The following RASGRF1 variants were observed in gnomAD, a reference collection of about 807,000 sequenced individuals.
The protein encoded by RASGRF1 is ras-specific guanine nucleotide-releasing factor 1.
A neutral mutation model predicts 138.7 loss-of-function variants in RASGRF1; 40 were observed. The observed-to-expected ratio is 0.29, with a 90% CI of 0.22 to 0.38. The LOEUF (loss-of-function observed/expected upper bound fraction) is 0.38. Ranked by LOEUF, RASGRF1 falls within the 10% of genes least tolerant of loss-of-function variation. The pLI is 1.00. For synonymous variants in RASGRF1, 614 were observed against 663.2 expected (o/e 0.93, Z 1.14); for missense variants, 1,108 against 1,650.4 (o/e 0.67, Z 5.69).
chr15:79,090,742 C>T lies in RASGRF1; in HGVS notation c.-244G>A. 1 of 549,334 alleles carries T rather than the reference C, an allele frequency of 1.8e-6. No homozygotes were observed. Among genetic ancestry groups the T allele is most frequent in the Admixed American group, 3.6e-5 (1 of 27,928 alleles). 34.0% of individuals were successfully genotyped at this position (549,334 alleles called of 1,614,324 possible). ...CAGAGCCCCAGTACCCGGAAGATGC[C>T]GCCCGACCCTCCTCCGGTGCCGGGC... On this transcript the variant is annotated 5_prime_UTR_variant, in exon 1 of 27. Coordinates refer to ENST00000558480, the MANE Select transcript of RASGRF1 (RefSeq NM_001145648.3).
chr15:78,999,387 C>T lies in RASGRF1; in HGVS notation c.2746+356G>A, dbSNP rs117432329. On this transcript the variant is annotated intron_variant, in intron 17 of 26. Transcript: ENST00000558480. Reference sequence around the variant, plus strand: ...AGCTGGAAGAGGAGGGTGCAGGGCACGCTGTGCCCTAGATGTGCAGTGGCC... The same window carrying T: ...AGCTGGAAGAGGAGGGTGCAGGGCATGCTGTGCCCTAGATGTGCAGTGGCC... Among the ~76,000 whole-genome samples, 1,134 of 152,230 alleles carry T rather than the reference C, an allele frequency of 7.4e-3. 5 individuals carry two copies. The highest frequency in any genetic ancestry group is 0.012 in the Non-Finnish European group (812 of 67,998).
At chr15:79,072,361 T>C (rs1486152781) in intron 1 of RASGRF1, among the ~76,000 whole-genome samples, 1 of 139,180 alleles carries the variant, frequency 7.2e-6, no homozygotes, top group Non-Finnish European at 1.5e-5. Flanking sequence ...CTGCAAGCTC[T>C]GCCTCCCGGG....
chr15:78,995,135 C>T (rs556463003), intron 20 of RASGRF1, among the ~76,000 whole-genome samples: 5 of 152,000 alleles, frequency 3.3e-5, no homozygotes, highest in African/African-American at 1.2e-4. Flanking sequence ...CACCATGTTG[C>T]CCAGGCTGAT....
intron 10 of RASGRF1, among the ~76,000 whole-genome samples, chr15:79,024,603 A>T (rs759638504): frequency 6.6e-5 from 10 of 152,146 alleles, no homozygotes; most frequent in Non-Finnish European, 1.5e-4. Flanking sequence ...TTCCCATGCT[A>T]TTCTTGTGAT....
At chr15:79,019,068 C>CAT (rs1555456970) in intron 11 of RASGRF1, among the ~76,000 whole-genome samples, 3 of 151,236 alleles carry the variant, frequency 2.0e-5, no homozygotes, top group African/African-American at 4.9e-5. Flanking sequence ...TGCATGAGGG[C>CAT]GTGTGTGTGT....
At position 79,073,412 on chromosome 15, in the gene RASGRF1, G is replaced by A. The variant is rs111882618; in HGVS notation, c.277-8886C>T. Among the ~76,000 whole-genome samples the A allele has an allele frequency of 3.9e-5, 6 of 152,116 alleles. No individual in the cohort carries two copies. The highest frequency in any genetic ancestry group is 1.2e-4 in the African/African-American group (5 of 41,422). On this transcript the variant is annotated intron_variant, in intron 1 of 26. Coordinates refer to ENST00000558480, the MANE Select transcript of RASGRF1 (RefSeq NM_001145648.3). The surrounding 1 kb of genome is among the most constrained non-coding windows in gnomAD (Gnocchi z 4.2). ...AACTGCCCCAACAGGGAAGTGAGGCGGGGAGTTTGCCTTAGGAAATAGGAG... is the reference window on the plus strand; with the variant it reads ...AACTGCCCCAACAGGGAAGTGAGGCAGGGAGTTTGCCTTAGGAAATAGGAG...
intron 17 of RASGRF1, among the ~76,000 whole-genome samples, chr15:78,999,435 G>C (rs1186362439): frequency 6.6e-6 from 1 of 152,142 alleles, no homozygotes; most frequent in African/African-American, 2.4e-5. Context: ...GTGGGGTTCA[G>C]GCCCTGGGTG....
intron 24 of RASGRF1, chr15:78,979,196 G>A: frequency 1.6e-6 from 2 of 1,269,398 alleles, no homozygotes; most frequent in Non-Finnish European, 1.0e-6. Context: ...ACAGATGGGT[G>A]CAACATCTGT....
At chr15:79,015,433 G>A in intron 12 of RASGRF1, 24 bp from the exon 13 acceptor site, 1 of 1,595,854 alleles carries the variant, frequency 6.3e-7, no homozygotes, top group Non-Finnish European at 8.6e-7. Flanking sequence ...GAGGACCCCA[G>A]GGTCAGAGCT....
Position 79,089,510 on chromosome 15 carries a change from G to A in RASGRF1, c.276+713C>T, listed in dbSNP as rs1243539616. On this transcript the variant is annotated intron_variant, in intron 1 of 26. Transcript: ENST00000558480. ...CGGCGGCGGCGGCGGCGCAGGGGGCGGGGGAGGAGAGAAGCGCCCACTTCG... is the reference window on the plus strand; with the variant it reads ...CGGCGGCGGCGGCGGCGCAGGGGGCAGGGGAGGAGAGAAGCGCCCACTTCG... 3.3e-5 allele frequency among the ~76,000 whole-genome samples: 5 copies of A among 152,380 alleles called. No homozygotes were observed. In the East Asian group the frequency reaches 5.8e-4, roughly 18 times the overall value.
At position 79,006,077 on chromosome 15, in the gene RASGRF1, C is replaced by G. The variant is rs1394662483; in HGVS notation, c.2075+109G>C. ...CCCGCAGCACCCCAACACGTTACTG[C>G]TGCTCCTCCAGGGACCTTCCAGGTC... On this transcript the variant is annotated intron_variant, in intron 14 of 26. Coordinates refer to ENST00000558480, the MANE Select transcript of RASGRF1 (RefSeq NM_001145648.3). The surrounding 1 kb of genome is among the most constrained non-coding windows in gnomAD (Gnocchi z 4.0). The G allele has an allele frequency of 6.7e-7, 1 of 1,482,002 alleles. No homozygotes were observed. Among genetic ancestry groups the G allele is most frequent in the African/African-American group, 1.4e-5 (1 of 72,276 alleles). The allele number at this position is 1,482,002 out of a possible 1,614,324, so 91.8% of individuals were successfully genotyped here. A position where few individuals can be genotyped will look rare whatever the true frequency, so the allele number is the denominator to read the frequency against.
rs1009540710 is a variant in RASGRF1, at chr15:79,032,749, C to T, written c.959-433G>A. Reference sequence around the variant, plus strand: ...TGTCCTCCTGCTTCAATTCAGGACACCAGTGTGAGGTCACCCCTTCTCCAG... The same window carrying T: ...TGTCCTCCTGCTTCAATTCAGGACATCAGTGTGAGGTCACCCCTTCTCCAG... On this transcript the variant is annotated intron_variant, in intron 6 of 26. Transcript: ENST00000558480. The surrounding 1 kb of genome is among the most constrained non-coding windows in gnomAD (Gnocchi z 4.5). 6.6e-6 allele frequency among the ~76,000 whole-genome samples: 1 copy of T among 152,198 alleles called. No homozygotes were observed. The highest frequency in any genetic ancestry group is 2.4e-5 in the African/African-American group (1 of 41,446).
At chr15:79,067,245 C>T (rs1031530121) in intron 1 of RASGRF1, among the ~76,000 whole-genome samples, 2 of 152,290 alleles carry the variant, frequency 1.3e-5, no homozygotes, top group South Asian at 2.1e-4. Flanking sequence ...AGAGCCACTT[C>T]AGGCTCCCAG....
At chr15:79,079,328 C>T (rs1050836286) in intron 1 of RASGRF1, among the ~76,000 whole-genome samples, 2 of 152,036 alleles carry the variant, frequency 1.3e-5, no homozygotes, top group African/African-American at 4.8e-5. Context: ...ATATATCTGC[C>T]CTTCAGCTTC....
At chr15:79,051,464 T>TACAC (rs372645045) in intron 3 of RASGRF1, among the ~76,000 whole-genome samples, 57 of 151,108 alleles carry the variant, frequency 3.8e-4, no homozygotes, top group African/African-American at 1.3e-3. Context: ...CACGCAAGCG[T>TACAC]ACACACACAC....
At chr15:79,049,644 G>A (rs2057403475) in intron 3 of RASGRF1, 56 bp from the exon 4 acceptor site, 8 of 1,491,096 alleles carry the variant, frequency 5.4e-6, no homozygotes, top group South Asian at 1.2e-5. Context: ...GAGGCCCCAG[G>A]TCTTTGGCCG....
At chr15:78,986,616 G>C (rs2141644499) in intron 22 of RASGRF1, among the ~76,000 whole-genome samples, 1 of 152,026 alleles carries the variant, frequency 6.6e-6, no homozygotes, top group African/African-American at 2.4e-5. Flanking sequence ...CAAAGTGTTG[G>C]GATTACAGGT....
chr15:79,081,176 G>A (rs1276421478), intron 1 of RASGRF1, among the ~76,000 whole-genome samples: 1 of 152,262 alleles, frequency 6.6e-6, no homozygotes, highest in African/African-American at 2.4e-5. Context: ...CAGGATGTGG[G>A]AAGCCCCAGA....
At chr15:79,003,673 G>C in intron 15 of RASGRF1, 129 bp downstream of exon 15, 1 of 1,391,498 alleles carries the variant, frequency 7.2e-7, no homozygotes, top group Non-Finnish European at 9.6e-7. Context: ...TCTGCCTGGT[G>C]GGACCCCCAA....
Sources: allele counts gnomAD v4.1 joint callset (sites outside exome capture counted in the v4.1 genomes callset), GRCh38; gene constraint gnomAD v4.1.1; non-coding constraint Gnocchi (gnomAD v3.1); transcripts MANE v1.5; gene names NCBI Gene and HGNC (gene_info 2026-07-23, HGNC 2026-07-21).